Variants in FBN1 observed in about 807,000 individuals in gnomAD.
The protein encoded by FBN1 is fibrillin-1.
Under a neutral mutation model 365.1 loss-of-function variants are expected in FBN1, and 29 were observed. The observed-to-expected ratio is 0.08, with a 90% CI of 0.06 to 0.11. FBN1 has a LOEUF of 0.11. Among genes scored for constraint, FBN1 ranks in the 10% least tolerant of loss-of-function variants. The probability of loss-of-function intolerance (pLI) is 1.00; values close to 1 mark genes in which losing one functional copy is unlikely to be tolerated. For synonymous variants in FBN1, 1,210 were observed against 1,270.5 expected, an observed-to-expected ratio of 0.95 and a Z score of 1.01; for missense variants, 2,476 against 3,703.2, an observed-to-expected ratio of 0.67 and a Z score of 8.60.
intron 2 of FBN1, among the ~76,000 whole-genome samples, chr15:48,624,979 A>G (rs972028720): frequency 2.0e-5 from 3 of 152,272 alleles, no homozygotes; most frequent in Admixed American, 6.5e-5. Flanking sequence ...GGGAGATAAT[A>G]TCTTCTGAAT....
chr15:48,534,213 A>G lies in FBN1; in HGVS notation c.737-8T>C. 6.2e-7 allele frequency: 1 copy of G among 1,609,036 alleles called. No homozygotes were observed. The highest frequency in any genetic ancestry group is 8.5e-7 in the Non-Finnish European group (1 of 1,177,852). On this transcript the variant is annotated splice_polypyrimidine_tract_variant and splice_region_variant and intron_variant, in intron 7 of 65. Transcript: ENST00000316623. ...CCTGGCATTCATCCACATCTGTCAGATTACAGAAGACAGAGAGAAAAAAAA... is the reference window on the plus strand; with the variant it reads ...CCTGGCATTCATCCACATCTGTCAGGTTACAGAAGACAGAGAGAAAAAAAA...
At chr15:48,645,215 C>T (rs1050951136) in intron 1 of FBN1, among the ~76,000 whole-genome samples, 1 of 152,222 alleles carries the variant, frequency 6.6e-6, no homozygotes, top group Non-Finnish European at 1.5e-5. Flanking sequence ...TCCTAAGCCC[C>T]GGGCGAGCTC....
At position 48,409,919 on chromosome 15, in the gene FBN1, T is replaced by G. The variant is rs578205853; in HGVS notation, c.*1071A>C. 1 of 152,426 alleles carries G rather than the reference T, an allele frequency of 6.6e-6. No individual in the cohort carries two copies. Among genetic ancestry groups the G allele is most frequent in the South Asian group, 2.1e-4 (1 of 4,822 alleles). The allele number at this position is 152,426 out of a possible 1,614,324, so 9.4% of individuals were successfully genotyped here. On this transcript the variant is annotated 3_prime_UTR_variant, in exon 66 of 66. Transcript: ENST00000316623. ...TCAATGGATAAAACAAGGGATCGAC[T>G]CATATGTTAAATTTTCTTCTAGTGG... is the stretch of plus-strand genomic sequence containing the variant.
At chr15:48,488,782 A>G (rs1167606596) in intron 25 of FBN1, among the ~76,000 whole-genome samples, 2 of 152,196 alleles carry the variant, frequency 1.3e-5, no homozygotes, top group East Asian at 3.8e-4. Context: ...TTTAACCACT[A>G]CTTGCTGAGT....
chr15:48,434,577 C>T lies in FBN1; in HGVS notation c.6616+17G>A, dbSNP rs363822. 203 of 1,613,416 alleles carry T rather than the reference C, an allele frequency of 1.3e-4. 1 individual carries two copies. In the African/African-American group the frequency reaches 2.5e-3, roughly 20 times the overall value. On this transcript the variant is annotated intron_variant, in intron 54 of 65. Transcript: ENST00000316623. ...ATCAGTACACGTAATCAACTGTTCTCTGTTTAAGAGATGTACCTTCACATG... is the reference window on the plus strand; with the variant it reads ...ATCAGTACACGTAATCAACTGTTCTTTGTTTAAGAGATGTACCTTCACATG...
Position 48,487,200 on chromosome 15 carries a change from T to A in FBN1, c.3464A>T (p.Asp1155Val). Residue 1155 changes from aspartate to valine, a missense_variant and splice_region_variant, in exon 29 of 66, where the codon GAC becomes GTC. Around this residue, in one of 5 missense-constraint regions of FBN1, gnomAD observed 1,780 missense variants for 2,840.8 expected, o/e 0.63. Transcript: ENST00000316623. The part of the protein sequence containing the change: ...QLSPNISACI[D>V]INECELSAHL... Reference sequence around the variant, plus strand: ...TGCACTCAGCTCACATTCATTGATGTCTGTCGGGAAAATAAGAAGAACAAA... The same window carrying A: ...TGCACTCAGCTCACATTCATTGATGACTGTCGGGAAAATAAGAAGAACAAA... 1 of 1,614,142 alleles carries A rather than the reference T, an allele frequency of 6.2e-7. No homozygotes were observed. The highest frequency in any genetic ancestry group is 8.5e-7 in the Non-Finnish European group (1 of 1,179,998).
chr15:48,425,951 T>C, intron 58 of FBN1, 87 bp from the exon 59 acceptor site: 1 of 1,045,870 alleles, frequency 9.6e-7, no homozygotes, highest in Non-Finnish European at 1.5e-6. Flanking sequence ...TAAATACTAA[T>C]AAATTGTGTT....
intron 44 of FBN1, among the ~76,000 whole-genome samples, 197 bp downstream of exon 44, chr15:48,456,440 C>T (rs942640564): frequency 6.6e-6 from 1 of 151,978 alleles, no homozygotes; most frequent in Admixed American, 6.6e-5. Context: ...GGGAATGTGC[C>T]TCCTGGTTTT....
At chr15:48,458,814 A>G (rs1045191073) in intron 43 of FBN1, among the ~76,000 whole-genome samples, 2 of 152,248 alleles carry the variant, frequency 1.3e-5, no homozygotes, top group African/African-American at 2.4e-5. Flanking sequence ...GCCAACAATC[A>G]TAAGATCTTC....
chr15:48,506,337 G>T (rs529238056), intron 15 of FBN1, among the ~76,000 whole-genome samples: 1 of 152,348 alleles, frequency 6.6e-6, no homozygotes, highest in African/African-American at 2.4e-5. Flanking sequence ...AAGGCAAATT[G>T]AGAGTAAAAC....
At chr15:48,555,626 G>T (rs1475367291) in intron 6 of FBN1, among the ~76,000 whole-genome samples, 1 of 152,132 alleles carries the variant, frequency 6.6e-6, no homozygotes, top group Non-Finnish European at 1.5e-5. Context: ...CTACCAAATG[G>T]TAGGTTCCTT....
At chr15:48,465,984 T>TC in intron 38 of FBN1, 126 bp from the exon 39 acceptor site, 2 of 736,898 alleles carry the variant, frequency 2.7e-6, no homozygotes, top group Non-Finnish European at 4.8e-6. Flanking sequence ...GTTGTTACTC[T>TC]GCCCGTCTGA....
At chr15:48,600,631 G>C (rs545279296) in intron 4 of FBN1, among the ~76,000 whole-genome samples, 17 of 152,286 alleles carry the variant, frequency 1.1e-4, no homozygotes, top group Admixed American at 5.9e-4. Context: ...TTGAACCTGG[G>C]GGGGCAGAGG....
intron 8 of FBN1, chr15:48,529,715 TAA>T (rs1390496864): frequency 6.7e-6 from 1 of 149,920 alleles, no homozygotes; most frequent in African/African-American, 2.4e-5. Context: ...CCTGTGAGCT[TAA>T]CTTTGATTGT....
At chr15:48,607,546 A>C (rs977180361) in intron 4 of FBN1, among the ~76,000 whole-genome samples, 10 of 149,798 alleles carry the variant, frequency 6.7e-5, no homozygotes, top group African/African-American at 2.5e-4. Flanking sequence ...AAGGCCTGGG[A>C]GACCTGTTTG....
At chr15:48,573,705 A>T (rs1171596734) in intron 6 of FBN1, among the ~76,000 whole-genome samples, 1 of 152,188 alleles carries the variant, frequency 6.6e-6, no homozygotes, top group Non-Finnish European at 1.5e-5. Context: ...TGTTCCCTTT[A>T]ACCAGATTCT....
intron 5 of FBN1, among the ~76,000 whole-genome samples, chr15:48,598,124 G>A (rs34804898): frequency 0.12 from 17,717 of 152,124 alleles, 1,208 homozygotes; most frequent in Non-Finnish European, 0.15. Context: ...GTAAACCTTC[G>A]TAAGTGAAGG....
intron 45 of FBN1, among the ~76,000 whole-genome samples, chr15:48,451,066 T>C (rs991396880): frequency 2.0e-5 from 3 of 152,228 alleles, no homozygotes; most frequent in East Asian, 1.9e-4. Flanking sequence ...ACAACACTTA[T>C]GGCTGGCTGC....
intron 6 of FBN1, among the ~76,000 whole-genome samples, chr15:48,561,273 A>C (rs1422437708): frequency 6.6e-6 from 1 of 152,146 alleles, no homozygotes; most frequent in Non-Finnish European, 1.5e-5. Flanking sequence ...CTACAGGGAC[A>C]CCTAGATTCT....
Sources: gnomAD v4.1 joint callset for allele counts (sites outside exome capture counted in the v4.1 genomes callset) on GRCh38, gnomAD v4.1.1 for gene constraint, gnomAD v4.1.1 regional missense constraint, MANE v1.5 for transcripts, NCBI Gene and HGNC (gene_info 2026-07-23, HGNC 2026-07-21) for gene names.